The following GALNT17 variants were observed in gnomAD, a reference collection of about 807,000 sequenced individuals.
GALNT17 encodes polypeptide N-acetylgalactosaminyltransferase 17, also known as UDP-GalNAc:polypeptide N-acetylgalactosaminyltransferase-like 3.
Under a neutral mutation model 63.7 loss-of-function variants are expected in GALNT17, and 29 were observed. That is an observed-to-expected ratio of 0.46 (90% CI 0.34 to 0.62). GALNT17 has a LOEUF of 0.62. Among genes scored for constraint, GALNT17 ranks in the 20% least tolerant of loss-of-function variants. GALNT17 has a pLI of 0.01. For synonymous variants in GALNT17, 305 were observed against 318.3 expected, an observed-to-expected ratio of 0.96 and a Z score of 0.45; for missense variants, 603 against 799.6, an observed-to-expected ratio of 0.75 and a Z score of 2.97.
chr7:71,391,725 G>A (rs1793055345), intron 3 of GALNT17, among the ~76,000 whole-genome samples: 1 of 152,104 alleles, frequency 6.6e-6, no homozygotes, highest in African/African-American at 2.4e-5. Flanking sequence ...GGGCTCAAAT[G>A]ATCCTCCTGC....
chr7:71,150,485 C>T (rs1788109221), intron 1 of GALNT17, among the ~76,000 whole-genome samples: 1 of 151,794 alleles, frequency 6.6e-6, no homozygotes, highest in Middle Eastern at 3.2e-3. Flanking sequence ...GTCCTTCATG[C>T]CTTCTCTCTC....
chr7:71,354,841 A>G (rs1471490355), intron 2 of GALNT17, among the ~76,000 whole-genome samples: 1 of 152,106 alleles, frequency 6.6e-6, no homozygotes, highest in African/African-American at 2.4e-5. Flanking sequence ...TTTATGGGGT[A>G]GTTTCTTGAT....
intron 5 of GALNT17, among the ~76,000 whole-genome samples, chr7:71,456,266 T>C (rs1404955242): frequency 6.6e-6 from 1 of 152,076 alleles, no homozygotes; most frequent in African/African-American, 2.4e-5. Context: ...GATTAAGCTT[T>C]GAATAGTATG....
intron 5 of GALNT17, among the ~76,000 whole-genome samples, chr7:71,471,440 G>C (rs2116614759): frequency 6.6e-6 from 1 of 150,892 alleles, no homozygotes; most frequent in African/African-American, 2.4e-5. Context: ...ACCATATTTG[G>C]CTCTACAAAG....
chr7:71,516,510 C>T (rs184449620), intron 5 of GALNT17, among the ~76,000 whole-genome samples: 17 of 152,204 alleles, frequency 1.1e-4, no homozygotes, highest in Non-Finnish European at 2.1e-4. Context: ...AGAGAAATAG[C>T]CCTTCTTCTA....
chr7:71,311,081 T>G (rs1791407287), intron 1 of GALNT17, among the ~76,000 whole-genome samples: 1 of 152,244 alleles, frequency 6.6e-6, no homozygotes, highest in Non-Finnish European at 1.5e-5. Context: ...GGATATTATT[T>G]TTCTTTCCAC....
At chr7:71,596,098 G>A (rs1334839472) in intron 6 of GALNT17, among the ~76,000 whole-genome samples, 4 of 152,142 alleles carry the variant, frequency 2.6e-5, no homozygotes, top group Non-Finnish European at 4.4e-5. Context: ...GAGTGCAGTG[G>A]CACAATCTCA....
chr7:71,206,052 A>G (rs1484586886), intron 1 of GALNT17, among the ~76,000 whole-genome samples: 1 of 149,646 alleles, frequency 6.7e-6, no homozygotes, highest in Non-Finnish European at 1.5e-5. Flanking sequence ...ATATATATAT[A>G]TATATTTGAC....
intron 8 of GALNT17, 112 bp downstream of exon 8, chr7:71,670,221 G>T: frequency 6.8e-7 from 1 of 1,468,160 alleles, no homozygotes; most frequent in Non-Finnish European, 9.4e-7. Context: ...GTGGTTTTTG[G>T]AGGTGCTGGC....
chr7:71,616,715 A>ATG lies in GALNT17; in HGVS notation c.1080+45314_1080+45315insGT, dbSNP rs1302092108. 2.2e-3 allele frequency among the ~76,000 whole-genome samples: 272 copies of ATG among 125,612 alleles called. 2 individuals carry two copies. Among genetic ancestry groups the ATG allele is most frequent in the African/African-American group, 7.3e-3 (260 of 35,406 alleles). 82.4% of individuals were successfully genotyped at this position (125,612 alleles called of 152,430 possible). Reference sequence around the variant, plus strand: ...ATATAATATATTGTGATTGATGTATATAATATATAATTACAATTTGTTTAC... The same window carrying ATG: ...ATATAATATATTGTGATTGATGTATATGTAATATATAATTACAATTTGTTTAC... On this transcript the variant is annotated intron_variant, in intron 6 of 10. Coordinates refer to ENST00000333538, the MANE Select transcript of GALNT17 (RefSeq NM_022479.3).
chr7:71,234,337 C>T (rs1562936026), intron 1 of GALNT17, among the ~76,000 whole-genome samples: 1 of 152,192 alleles, frequency 6.6e-6, no homozygotes, highest in Non-Finnish European at 1.5e-5. Flanking sequence ...TCTCGGCTCA[C>T]TGCTACCTCT....
chr7:71,424,519 A>G (rs777688701), intron 5 of GALNT17, among the ~76,000 whole-genome samples: 1 of 152,352 alleles, frequency 6.6e-6, no homozygotes, highest in East Asian at 1.9e-4. Context: ...GGTAATATTA[A>G]CAGATGATTA....
chr7:71,592,283 G>A (rs989079228), intron 6 of GALNT17, among the ~76,000 whole-genome samples: 1 of 152,092 alleles, frequency 6.6e-6, no homozygotes, highest in African/African-American at 2.4e-5. Context: ...AGACAGGTCG[G>A]GTCTTTCTGG....
intron 1 of GALNT17, among the ~76,000 whole-genome samples, chr7:71,287,434 A>G (rs1201745480): frequency 6.6e-6 from 1 of 152,046 alleles, no homozygotes; most frequent in Non-Finnish European, 1.5e-5. Flanking sequence ...TTTATCTACT[A>G]GATAAGAGGA....
intron 1 of GALNT17, among the ~76,000 whole-genome samples, chr7:71,209,409 T>C (rs1169531191): frequency 6.6e-6 from 1 of 152,230 alleles, no homozygotes. Flanking sequence ...TATTTGTTTA[T>C]CTACAAGGGG....
chr7:71,560,664 G>A (rs919396178), intron 5 of GALNT17, among the ~76,000 whole-genome samples: 1 of 152,186 alleles, frequency 6.6e-6, no homozygotes, highest in South Asian at 2.1e-4. Context: ...CTTTAGCACC[G>A]TCATGAGAAA....
At chr7:71,446,302 T>C (rs1238629786) in intron 5 of GALNT17, among the ~76,000 whole-genome samples, 1 of 152,188 alleles carries the variant, frequency 6.6e-6, no homozygotes, top group African/African-American at 2.4e-5. Context: ...CATTATAAAT[T>C]TAATATTCAC....
intron 5 of GALNT17, among the ~76,000 whole-genome samples, chr7:71,566,076 T>G (rs1223065810): frequency 1.3e-5 from 2 of 151,996 alleles, no homozygotes; most frequent in Non-Finnish European, 2.9e-5. Context: ...GATTTTCCCA[T>G]GTTGGCCAGG....
chr7:71,683,223 T>C (rs187653987), intron 9 of GALNT17, among the ~76,000 whole-genome samples: 50 of 152,248 alleles, frequency 3.3e-4, no homozygotes, highest in African/African-American at 1.2e-3. Flanking sequence ...TCATGTTGCT[T>C]TCTGTTCAGC....
Sources: allele counts gnomAD v4.1 joint callset (sites outside exome capture counted in the v4.1 genomes callset), GRCh38; gene constraint gnomAD v4.1.1; transcripts MANE v1.5; gene names NCBI Gene and HGNC (gene_info 2026-07-23, HGNC 2026-07-21).